Variants in EEFSEC observed in about 807,000 individuals in gnomAD.
EEFSEC encodes selenocysteine-specific elongation factor.
A neutral mutation model predicts 42.1 loss-of-function variants in EEFSEC; 43 were observed. That is an observed-to-expected ratio of 1.02 (90% CI 0.80 to 1.32). The LOEUF (loss-of-function observed/expected upper bound fraction) is 1.32. EEFSEC is among the 40% of genes most tolerant of loss of function. The pLI, the probability that EEFSEC is intolerant of heterozygous loss-of-function variation, is 0.00. For synonymous variants in EEFSEC, 354 were observed against 339.1 expected, an observed-to-expected ratio of 1.04 and a Z score of -0.48; for missense variants, 745 against 803.6, an observed-to-expected ratio of 0.93 and a Z score of 0.88.
At chr3:128,355,499 T>C (rs560740499) in intron 5 of EEFSEC, among the ~76,000 whole-genome samples, 20 of 152,054 alleles carry the variant, frequency 1.3e-4, no homozygotes, top group Admixed American at 2.6e-4. Flanking sequence ...AGCTTTATCA[T>C]GGTGATGGTT....
rs1036005531 is a variant in EEFSEC, at chr3:128,216,786, G to C, written c.317-30050G>C. Among the ~76,000 whole-genome samples the C allele has an allele frequency of 6.6e-5, 10 of 152,326 alleles. No homozygotes were observed. In the South Asian group the frequency reaches 2.1e-3, roughly 32 times the overall value. ...TAGAGCACTCTTGGGACAGATCTCCGTGTGGTCCCCATAGTTGTGACTGAT... is the reference window on the plus strand; with the variant it reads ...TAGAGCACTCTTGGGACAGATCTCCCTGTGGTCCCCATAGTTGTGACTGAT... On this transcript the variant is annotated intron_variant, in intron 1 of 6. Coordinates refer to ENST00000254730, the MANE Select transcript of EEFSEC (RefSeq NM_021937.5).
At chr3:128,281,528 C>T (rs1006467008) in intron 4 of EEFSEC, among the ~76,000 whole-genome samples, 20 of 152,164 alleles carry the variant, frequency 1.3e-4, no homozygotes, top group Non-Finnish European at 1.9e-4. Context: ...CATGAAGATA[C>T]CAGCCTCTTG....
chr3:128,370,371 C>T (rs2067639960), intron 6 of EEFSEC, among the ~76,000 whole-genome samples: 1 of 152,068 alleles, frequency 6.6e-6, no homozygotes, highest in African/African-American at 2.4e-5. Context: ...TGCAGCGGCC[C>T]ACACTCACCA....
At chr3:128,392,835 C>G (rs2067931621) in intron 6 of EEFSEC, among the ~76,000 whole-genome samples, 1 of 152,230 alleles carries the variant, frequency 6.6e-6, no homozygotes, top group South Asian at 2.1e-4. Flanking sequence ...TCTGCTGGCT[C>G]CACGTGCCCT....
chr3:128,153,795 C>T lies in EEFSEC; in HGVS notation c.288C>T (p.His96=), dbSNP rs1944306111. 2.0e-6 allele frequency: 3 copies of T among 1,523,978 alleles called. No homozygotes were observed. Among genetic ancestry groups the T allele is most frequent in the African/African-American group, 2.9e-5 (2 of 69,934 alleles). The allele number at this position is 1,523,978 out of a possible 1,614,324, so 94.4% of individuals were successfully genotyped here. The change falls in exon 1 of 7, where the codon CAC becomes CAT. Residue 96 remains histidine (H), a synonymous_variant. Coordinates refer to ENST00000254730, the MANE Select transcript of EEFSEC (RefSeq NM_021937.5). ...LQVTLVDCPG[H]ASLIRTIIGG... ...TCACGCTGGTCGACTGCCCCGGGCA[C>T]GCCTCCCTCATCCGGACCATCATCG...
intron 1 of EEFSEC, among the ~76,000 whole-genome samples, chr3:128,206,712 ATAT>A (rs2065700471): frequency 6.6e-6 from 1 of 152,230 alleles, no homozygotes; most frequent in Non-Finnish European, 1.5e-5. Context: ...GTTGCTCAAC[ATAT>A]TATTTCGATC....
At chr3:128,209,073 C>A (rs969849208) in intron 1 of EEFSEC, among the ~76,000 whole-genome samples, 2 of 152,144 alleles carry the variant, frequency 1.3e-5, no homozygotes, top group African/African-American at 4.8e-5. Flanking sequence ...TCTAGGCCAG[C>A]GTTTCCCAAA....
At chr3:128,354,664 A>C (rs1168556865) in intron 5 of EEFSEC, among the ~76,000 whole-genome samples, 17 of 152,236 alleles carry the variant, frequency 1.1e-4, no homozygotes, top group Admixed American at 1.1e-3. Context: ...CCCTGAAGTT[A>C]ATAAAATTAG....
chr3:128,202,831 GT>G, intron 1 of EEFSEC, among the ~76,000 whole-genome samples: 1 of 152,274 alleles, frequency 6.6e-6, no homozygotes, highest in East Asian at 1.9e-4. Context: ...AATTCCTCCT[GT>G]TCCTAGTGTG....
intron 1 of EEFSEC, among the ~76,000 whole-genome samples, chr3:128,189,875 T>C (rs1245623694): frequency 6.6e-6 from 1 of 151,886 alleles, no homozygotes; most frequent in Non-Finnish European, 1.5e-5. Flanking sequence ...TTTGTGTCTT[T>C]TTTTGGAGAT....
In EEFSEC at chr3:128,293,660, C is replaced by CAAAAAAAAAA. The variant is rs759485696; in HGVS notation, c.786+28897_786+28906dup. ...TGGGCGACAAAGCAAGACTCTATCT[C>CAAAAAAAAAA]AAAAAAAAAAAAAAAAAAAAAAAAA... On this transcript the variant is annotated intron_variant, in intron 4 of 6. Transcript: ENST00000254730. 1.8e-3 allele frequency among the ~76,000 whole-genome samples: 25 copies of CAAAAAAAAAA among 14,140 alleles called. 2 individuals carry two copies. The highest frequency in any genetic ancestry group is 3.6e-3 in the South Asian group (1 of 278). 9.3% of individuals were successfully genotyped at this position (14,140 alleles called of 152,430 possible).
intron 4 of EEFSEC, among the ~76,000 whole-genome samples, chr3:128,338,320 G>T (rs778960045): frequency 6.6e-5 from 10 of 152,200 alleles, no homozygotes; most frequent in Non-Finnish European, 8.8e-5. Context: ...ATGCTGAGTG[G>T]GGAGGACCAC....
At chr3:128,310,635 C>T (rs914152523) in intron 4 of EEFSEC, among the ~76,000 whole-genome samples, 1 of 152,244 alleles carries the variant, frequency 6.6e-6, no homozygotes, top group South Asian at 2.1e-4. Context: ...ACCCAATGCA[C>T]ATGCAGGTGG....
chr3:128,386,414 G>C (rs755587671), intron 6 of EEFSEC, among the ~76,000 whole-genome samples: 3 of 152,008 alleles, frequency 2.0e-5, no homozygotes, highest in Non-Finnish European at 4.4e-5. Context: ...TCCATGCTGA[G>C]CACATCCCCT....
chr3:128,387,530 G>T (rs938726538), intron 6 of EEFSEC, among the ~76,000 whole-genome samples: 2 of 152,048 alleles, frequency 1.3e-5, no homozygotes, highest in African/African-American at 4.8e-5. Context: ...GCCTTCTGAG[G>T]GTGCGAGAAA....
chr3:128,333,679 G>A (rs2067158399), intron 4 of EEFSEC, among the ~76,000 whole-genome samples: 4 of 152,164 alleles, frequency 2.6e-5, no homozygotes, highest in Admixed American at 2.6e-4. Context: ...CAGCTCGTGT[G>A]CACTTCAGTT....
intron 4 of EEFSEC, among the ~76,000 whole-genome samples, chr3:128,300,408 C>A (rs1183134733): frequency 6.6e-6 from 1 of 152,078 alleles, no homozygotes; most frequent in African/African-American, 2.4e-5. Flanking sequence ...TCGAGGCCAA[C>A]ATGGTGAAAC....
chr3:128,190,717 A>T (rs770524419), intron 1 of EEFSEC, among the ~76,000 whole-genome samples: 15 of 152,114 alleles, frequency 9.9e-5, no homozygotes, highest in Admixed American at 7.2e-4. Context: ...TCACTCACTG[A>T]CTCGCCCAGA....
chr3:128,356,213 G>A (rs997369971), intron 5 of EEFSEC, among the ~76,000 whole-genome samples: 2 of 152,240 alleles, frequency 1.3e-5, no homozygotes, highest in African/African-American at 2.4e-5. Context: ...GGATACCTGC[G>A]TATATTATCC....
Sources: allele counts gnomAD v4.1 joint callset (sites outside exome capture counted in the v4.1 genomes callset), GRCh38; gene constraint gnomAD v4.1.1; transcripts MANE v1.5; gene names NCBI Gene and HGNC (gene_info 2026-07-23, HGNC 2026-07-21).